The following MDN1 variants were observed in gnomAD, a reference collection of about 807,000 sequenced individuals.
MDN1 encodes the protein midasin AAA ATPase 1.
Under a neutral mutation model 669.2 loss-of-function variants are expected in MDN1, and 266 were observed. The observed-to-expected ratio is 0.40, with a 90% CI of 0.36 to 0.44. The LOEUF is 0.44. MDN1 is among the 20% of genes least tolerant of loss of function. The pLI, the probability that MDN1 is intolerant of heterozygous loss-of-function variation, is 1.00. For missense variants in MDN1, 5,940 were observed against 6,754.0 expected (o/e 0.88, Z 4.22); for synonymous variants, 2,385 against 2,457.1 (o/e 0.97, Z 0.87).
rs1290918653 is a variant in MDN1 at position 89,745,267 on chromosome 6, C to T, written c.4178+6G>A. On this transcript the variant is annotated splice_donor_region_variant and intron_variant, in intron 29 of 101. Transcript: ENST00000369393. ...ACCCTCATGAGTCACTGTCACAGAT[C>T]TTTACCCAGTGTCTCCAACCAGCAG... is the stretch of plus-strand genomic sequence containing the variant. 1 of 1,613,508 alleles carries T rather than the reference C, an allele frequency of 6.2e-7. No homozygotes were observed. Among genetic ancestry groups the T allele is most frequent in the East Asian group, 2.2e-5 (1 of 44,854 alleles).
intron 84 of MDN1, 33 bp downstream of exon 84, chr6:89,667,981 T>C: frequency 6.3e-7 from 1 of 1,599,034 alleles, no homozygotes; most frequent in Non-Finnish European, 8.5e-7. Flanking sequence ...GAGAGTGATC[T>C]TCTGTCAACT....
intron 86 of MDN1, 43 bp from the exon 87 acceptor site, chr6:89,662,282 A>G (rs752467264): frequency 1.3e-6 from 2 of 1,581,082 alleles, no homozygotes; most frequent in Non-Finnish European, 1.7e-6. Context: ...CACTCAATCC[A>G]AGAAACTGCT....
Position 89,751,506 on chromosome 6 carries a change from G to A in MDN1, c.3152C>T (p.Thr1051Ile), listed in dbSNP as rs938973664. Residue 1051 changes from threonine (T) to isoleucine (I), a missense_variant, in exon 23 of 102, where the codon ACA becomes ATA. Thr to Ile is a moderately conservative substitution (Grantham distance 89). This residue lies in a region of MDN1 where 1,203 missense variants were observed against 1,268.9 expected (regional missense o/e 0.95). Coordinates refer to ENST00000369393, the MANE Select transcript of MDN1 (RefSeq NM_014611.3). ...YWIAVGDKEP[T>I]IDETYILTSS... ...TGTCAGAATGTACGTCTCATCTATT[G>A]TAGGCTCCTTGTCTCCCACCGCAAT... 6.2e-7 allele frequency: 1 copy of A among 1,613,970 alleles called. No homozygotes were observed. The highest frequency in any genetic ancestry group is 1.3e-5 in the African/African-American group (1 of 74,888).
rs748398203 is a variant in MDN1 at position 89,662,930 on chromosome 6, G to A, written c.14274C>T (p.Asp4758=). Residue 4758 remains aspartate (D), a synonymous_variant, in exon 86 of 102, where the codon GAC becomes GAT. Coordinates refer to ENST00000369393, the MANE Select transcript of MDN1 (RefSeq NM_014611.3). ...TGAGATCGCCCATGTGTTTATCCAG[G>A]TCTCCGCCCTCACTATCTGATTTCT... ...DDEKSDSEGG[D]LDKHMGDLNG... is the part of the protein sequence containing the mutation. The A allele has an allele frequency of 6.2e-7, 1 of 1,613,942 alleles. No individual in the cohort carries two copies. The highest frequency in any genetic ancestry group is 1.1e-5 in the South Asian group (1 of 91,072).
Position 89,730,729 on chromosome 6 carries a change from T to A in MDN1, c.5137A>T (p.Arg1713Trp), listed in dbSNP as rs1263172358. 1 of 1,611,558 alleles carries A rather than the reference T, an allele frequency of 6.2e-7. No individual in the cohort carries two copies. ...LWGIHPFFIP[R>W]GPVLHRNNIA... ...ATTTTTTAAAAATCATTCTTACCCCTTGGTATAAAAAATGGATGAATTCCC... is the reference window on the plus strand; with the variant it reads ...ATTTTTTAAAAATCATTCTTACCCCATGGTATAAAAAATGGATGAATTCCC... The change falls in exon 35 of 102, where the codon AGG (arginine) becomes TGG (tryptophan). Residue 1713 changes from arginine (R) to tryptophan (W), a missense_variant. Arg to Trp is a moderately radical substitution (Grantham distance 101). Coordinates refer to ENST00000369393, the MANE Select transcript of MDN1 (RefSeq NM_014611.3).
chr6:89,659,397 G>A (rs1809554692), intron 88 of MDN1, among the ~76,000 whole-genome samples: 1 of 152,146 alleles, frequency 6.6e-6, no homozygotes, highest in Admixed American at 6.5e-5. Context: ...GTTTTTACTG[G>A]AACACAGCAA....
chr6:89,685,764 G>T, intron 70 of MDN1, 63 bp downstream of exon 70: 2 of 1,564,826 alleles, frequency 1.3e-6, no homozygotes, highest in Non-Finnish European at 8.6e-7. Context: ...CTCATGCAGA[G>T]AATTCAAAGC....
chr6:89,806,017 A>G (rs1488356030), intron 1 of MDN1, among the ~76,000 whole-genome samples: 1 of 151,994 alleles, frequency 6.6e-6, no homozygotes, highest in Non-Finnish European at 1.5e-5. Context: ...AGCTCACTGC[A>G]GGCGCACCCT....
intron 82 of MDN1, 123 bp downstream of exon 82, chr6:89,672,077 T>A: frequency 1.0e-6 from 1 of 967,116 alleles, no homozygotes; most frequent in Non-Finnish European, 1.4e-6. Context: ...GAGACCAAGT[T>A]CTTAGTGATT....
rs756363702 is a variant in MDN1, at chr6:89,787,967, A to G, written c.1231-10T>C. On this transcript the variant is annotated splice_polypyrimidine_tract_variant and intron_variant, in intron 7 of 101. Coordinates refer to ENST00000369393, the MANE Select transcript of MDN1 (RefSeq NM_014611.3). ...GGATCAGCACAGAAACCTAAATCAGATAACAACAACCGCACTGATAAAGTA... is the reference window on the plus strand; with the variant it reads ...GGATCAGCACAGAAACCTAAATCAGGTAACAACAACCGCACTGATAAAGTA... 68 of 1,600,162 alleles carry G rather than the reference A, an allele frequency of 4.2e-5. No homozygotes were observed. The highest frequency in any genetic ancestry group is 5.5e-5 in the Non-Finnish European group (64 of 1,169,124).
chr6:89,692,858 G>T lies in MDN1; in HGVS notation c.10172C>A (p.Thr3391Asn). 2 of 1,614,242 alleles carry T rather than the reference G, an allele frequency of 1.2e-6. No individual in the cohort carries two copies. The highest frequency in any genetic ancestry group is 2.2e-5 in the South Asian group (2 of 91,090). The stretch of plus-strand genomic sequence containing the variant: ...TGGGCTCACGGCATCTGGATAGAAG[G>T]TGTACTCCTCTGACAGCCGCTTCCG... ...QFRKRLSEEY[T>N]FYPDAVSPLQ... is the part of the protein sequence containing the mutation. The change falls in exon 63 of 102, where the codon ACC becomes AAC. Residue 3391 changes from threonine to asparagine, a missense_variant. Thr to Asn is a moderately conservative substitution (Grantham distance 65). Around this residue, in one of 5 missense-constraint regions of MDN1, gnomAD observed 150 missense variants for 234.2 expected, o/e 0.64. Coordinates refer to ENST00000369393, the MANE Select transcript of MDN1 (RefSeq NM_014611.3).
intron 9 of MDN1, 84 bp from the exon 10 acceptor site, chr6:89,781,676 G>T: frequency 8.3e-7 from 1 of 1,200,190 alleles, no homozygotes; most frequent in Non-Finnish European, 1.2e-6. Context: ...AAACTGGTCA[G>T]CCAAAAATTG....
chr6:89,672,358 A>T lies in MDN1; in HGVS notation c.13636T>A (p.Phe4546Ile). 2 of 1,612,756 alleles carry T rather than the reference A, an allele frequency of 1.2e-6. No homozygotes were observed. Among genetic ancestry groups the T allele is most frequent in the Non-Finnish European group, 1.7e-6 (2 of 1,179,768 alleles). ...QASPQEDYAG[F>I]ERLQSGHLTK... Reference sequence around the variant, plus strand: ...AGATGTCCTGATTGCAGTCTCTCAAAGCCTGCTGCCTCATTCATTCAGAGA... The same window carrying T: ...AGATGTCCTGATTGCAGTCTCTCAATGCCTGCTGCCTCATTCATTCAGAGA... The change falls in exon 82 of 102, where the codon TTT (phenylalanine) becomes ATT (isoleucine). Residue 4546 changes from phenylalanine to isoleucine, a missense_variant. Transcript: ENST00000369393.
intron 83 of MDN1, among the ~76,000 whole-genome samples, chr6:89,669,645 A>C (rs1810494574): frequency 6.6e-6 from 1 of 152,186 alleles, no homozygotes; most frequent in East Asian, 1.9e-4. Context: ...AACAAAACTT[A>C]TATACTCAAA....
chr6:89,692,306 G>T, intron 63 of MDN1, 137 bp downstream of exon 63: 1 of 715,600 alleles, frequency 1.4e-6, no homozygotes, highest in Non-Finnish European at 2.2e-6. Context: ...GGAAAAAGAA[G>T]GAACAGAAAA....
In MDN1 at chr6:89,758,964, G is replaced by C; in HGVS notation, c.2461-4C>G. 6.2e-7 allele frequency: 1 copy of C among 1,611,912 alleles called. No individual in the cohort carries two copies. The highest frequency in any genetic ancestry group is 8.5e-7 in the Non-Finnish European group (1 of 1,178,668). On this transcript the variant is annotated splice_region_variant and splice_polypyrimidine_tract_variant and intron_variant, in intron 17 of 101. Coordinates refer to ENST00000369393, the MANE Select transcript of MDN1 (RefSeq NM_014611.3). ...TTACAGCCTGAGCTAATGTACCCTA[G>C]AAAAAGATAAAATAAAATGTTAACA...
intron 88 of MDN1, among the ~76,000 whole-genome samples, chr6:89,660,504 T>C (rs1809662009): frequency 6.6e-6 from 1 of 152,060 alleles, no homozygotes; most frequent in South Asian, 2.1e-4. Context: ...TTTTTTCCCA[T>C]TATCTATTAT....
chr6:89,729,021 A>G lies in MDN1; in HGVS notation c.5259T>C (p.Gly1753=), dbSNP rs1183266532. The G allele has an allele frequency of 1.2e-6, 2 of 1,614,074 alleles. No homozygotes were observed. Among genetic ancestry groups the G allele is most frequent in the Non-Finnish European group, 1.7e-6 (2 of 1,179,994 alleles). The change falls in exon 36 of 102, where the codon GGT becomes GGC. Residue 1753 remains glycine, a synonymous_variant. Coordinates refer to ENST00000369393, the MANE Select transcript of MDN1 (RefSeq NM_014611.3). ...AACTTGTCTTGCCAACACCAGGGGA[A>G]CCCTCCAGGAGAATGGGCTTCTTCA... is the stretch of plus-strand genomic sequence containing the variant. The part of the protein sequence containing the change: ...TKLKKPILLE[G]SPGVGKTSLV...
chr6:89,813,362 C>G (rs1479234240), intron 1 of MDN1, among the ~76,000 whole-genome samples: 1 of 152,010 alleles, frequency 6.6e-6, no homozygotes. Context: ...GCAGCCTGGC[C>G]AACATGGCAA....
Sources: gnomAD v4.1 joint callset for allele counts (sites outside exome capture counted in the v4.1 genomes callset) on GRCh38, gnomAD v4.1.1 for gene constraint, gnomAD v4.1.1 regional missense constraint, MANE v1.5 for transcripts, NCBI Gene and HGNC (gene_info 2026-07-23, HGNC 2026-07-21) for gene names.